MEIS2: variants seen among roughly 807,000 people sequenced by gnomAD.
MEIS2 encodes the protein homeobox protein Meis2.
A neutral mutation model predicts 58.6 loss-of-function variants in MEIS2; 9 were observed. That is an observed-to-expected ratio of 0.15 (90% CI 0.09 to 0.27). The LOEUF is 0.27. MEIS2 is among the 10% of genes least tolerant of loss of function. The pLI, the probability that MEIS2 is intolerant of heterozygous loss-of-function variation, is 1.00. For missense variants in MEIS2, 427 were observed against 635.0 expected (o/e 0.67, Z 3.52); for synonymous variants, 221 against 228.4 (o/e 0.97, Z 0.29).
intron 8 of MEIS2, among the ~76,000 whole-genome samples, chr15:36,998,650 CT>C (rs2060614720): frequency 6.6e-6 from 1 of 152,150 alleles, no homozygotes; most frequent in South Asian, 2.1e-4. Flanking sequence ...CATTTATCTT[CT>C]TTACAGTTTC....
Position 37,099,668 on chromosome 15 carries a change from C to T in MEIS2, c.-202G>A. On this transcript the variant is annotated 5_prime_UTR_variant, in exon 1 of 12. Transcript: ENST00000561208. ...AATTTTTTTTTCTGTGATATTTCTT[C>T]TTTTTCTCTTTTTTCCTCTTCTTCC... 1 of 614,776 alleles carries T rather than the reference C, an allele frequency of 1.6e-6. No individual in the cohort carries two copies. The highest frequency in any genetic ancestry group is 2.6e-5 in the South Asian group (1 of 38,100). 38.1% of individuals were successfully genotyped at this position (614,776 alleles called of 1,614,324 possible). A position where few individuals can be genotyped will look rare whatever the true frequency, so the allele number is the denominator to read the frequency against.
intron 8 of MEIS2, among the ~76,000 whole-genome samples, chr15:36,975,328 T>C (rs1229278602): frequency 6.6e-6 from 1 of 152,204 alleles, no homozygotes; most frequent in Non-Finnish European, 1.5e-5. Flanking sequence ...CAGGTACAGA[T>C]ACTTCCCAAA....
In MEIS2 at chr15:36,896,616, C is replaced by T. The variant is rs1406710588; in HGVS notation, c.1036+12G>A. ...CTGTGGGACATAAATATAGATACTA[C>T]TTGGAACTTGCCTGCTCGATTTGAC... On this transcript the variant is annotated intron_variant, in intron 10 of 11. Transcript: ENST00000561208. The T allele has an allele frequency of 1.2e-6, 2 of 1,607,302 alleles. No individual in the cohort carries two copies. Among genetic ancestry groups the T allele is most frequent in the South Asian group, 2.2e-5 (2 of 89,890 alleles).
At chr15:36,980,170 T>C (rs2059887223) in intron 8 of MEIS2, among the ~76,000 whole-genome samples, 1 of 152,132 alleles carries the variant, frequency 6.6e-6, no homozygotes, top group African/African-American at 2.4e-5. Flanking sequence ...CACATGTTTA[T>C]TGTGAATAAT....
Position 37,094,387 on chromosome 15 carries a change from A to C in MEIS2, c.489+140T>G. 3 of 762,858 alleles carry C rather than the reference A, an allele frequency of 3.9e-6. No homozygotes were observed. The South Asian group carries it at 5.9e-5, about 15-fold the overall frequency. 47.3% of individuals were successfully genotyped at this position (762,858 alleles called of 1,614,324 possible). A position where few individuals can be genotyped will look rare whatever the true frequency, so the allele number is the denominator to read the frequency against. On this transcript the variant is annotated intron_variant, in intron 5 of 11. Coordinates refer to ENST00000561208, the MANE Select transcript of MEIS2 (RefSeq NM_170675.5). ...CTCTGAGCCCCTGTGTTGAGAAGCG[A>C]GTTGAAGGATGGACATGGTTACATG... is the stretch of plus-strand genomic sequence containing the variant.
At chr15:37,000,275 C>T (rs1324449213) in intron 8 of MEIS2, among the ~76,000 whole-genome samples, 1 of 152,022 alleles carries the variant, frequency 6.6e-6, no homozygotes, top group Non-Finnish European at 1.5e-5. Flanking sequence ...TTTTAGGAGC[C>T]ACTCTACTTC....
chr15:36,952,799 C>A (rs1010450752), intron 8 of MEIS2, among the ~76,000 whole-genome samples: 3 of 152,050 alleles, frequency 2.0e-5, no homozygotes, highest in African/African-American at 4.8e-5. Context: ...AACAATAATT[C>A]TTTCCAGTGT....
intron 9 of MEIS2, among the ~76,000 whole-genome samples, chr15:36,939,012 T>C (rs556397968): frequency 6.6e-6 from 1 of 152,324 alleles, no homozygotes; most frequent in Non-Finnish European, 1.5e-5. Flanking sequence ...TGCAAATGTC[T>C]TTCTCTCATC....
chr15:37,060,529 T>C (rs1384473476), intron 7 of MEIS2, among the ~76,000 whole-genome samples: 1 of 152,146 alleles, frequency 6.6e-6, no homozygotes, highest in African/African-American at 2.4e-5. Flanking sequence ...CTGTAACCCC[T>C]GAACGTGTGC....
chr15:36,929,508 C>G (rs2057885110), intron 9 of MEIS2, among the ~76,000 whole-genome samples: 1 of 152,140 alleles, frequency 6.6e-6, no homozygotes, highest in South Asian at 2.1e-4. Context: ...ATGTTTGGGC[C>G]TCTGCATATA....
intron 9 of MEIS2, among the ~76,000 whole-genome samples, chr15:36,909,238 G>A (rs1165647262): frequency 2.0e-5 from 3 of 151,872 alleles, no homozygotes; most frequent in Admixed American, 6.6e-5. Flanking sequence ...CAGTGGCACC[G>A]AGCTAATATG....
chr15:36,937,074 G>A (rs1395335760), intron 9 of MEIS2, among the ~76,000 whole-genome samples: 1 of 152,208 alleles, frequency 6.6e-6, no homozygotes, highest in South Asian at 2.1e-4. Context: ...ATTGTTTAGT[G>A]AGTGGGTGAA....
At chr15:37,049,370 T>A (rs564114680) in intron 7 of MEIS2, among the ~76,000 whole-genome samples, 5 of 152,326 alleles carry the variant, frequency 3.3e-5, no homozygotes, top group African/African-American at 4.8e-5. Flanking sequence ...TGTTGATGAT[T>A]GAACAACTTT....
At chr15:37,060,920 A>C (rs891223741) in intron 7 of MEIS2, among the ~76,000 whole-genome samples, 13 of 152,212 alleles carry the variant, frequency 8.5e-5, no homozygotes, top group Non-Finnish European at 1.9e-4. Context: ...GTATGAATTT[A>C]ATTATCATCT....
chr15:37,071,090 C>T (rs1890644587), intron 7 of MEIS2, among the ~76,000 whole-genome samples: 1 of 152,060 alleles, frequency 6.6e-6, no homozygotes, highest in South Asian at 2.1e-4. Context: ...CAAGCACAAA[C>T]TCCCCAGTCT....
At chr15:36,988,455 C>A (rs1000962942) in intron 8 of MEIS2, among the ~76,000 whole-genome samples, 17 of 125,646 alleles carry the variant, frequency 1.4e-4, no homozygotes, top group Non-Finnish European at 2.8e-4. Flanking sequence ...GCTTGATAAA[C>A]CCTTCAGACA....
chr15:36,905,448 A>G (rs2056684880), intron 9 of MEIS2, among the ~76,000 whole-genome samples: 1 of 152,114 alleles, frequency 6.6e-6, no homozygotes, highest in African/African-American at 2.4e-5. Flanking sequence ...TTGGCCAGTC[A>G]AAAGTTACTA....
At chr15:36,900,223 G>C (rs568922221) in intron 9 of MEIS2, among the ~76,000 whole-genome samples, 53 of 152,176 alleles carry the variant, frequency 3.5e-4, no homozygotes, top group Non-Finnish European at 5.6e-4. Context: ...AAATGTACCA[G>C]TAAGCTTAGT....
At chr15:37,078,605 CAAAAAAAAAAA>C (rs540405090) in intron 7 of MEIS2, among the ~76,000 whole-genome samples, 1 of 69,412 alleles carries the variant, frequency 1.4e-5, no homozygotes, top group Non-Finnish European at 2.6e-5. Flanking sequence ...AAAAAACAAC[CAAAAAAAAAAA>C]AAAAAAAAAA....
Sources: allele counts gnomAD v4.1 joint callset (sites outside exome capture counted in the v4.1 genomes callset), GRCh38; gene constraint gnomAD v4.1.1; transcripts MANE v1.5; gene names NCBI Gene and HGNC (gene_info 2026-07-23, HGNC 2026-07-21).